The following DAB1 variants were observed in gnomAD, a reference collection of about 807,000 sequenced individuals.
DAB1 encodes disabled homolog 1.
A neutral mutation model predicts 64.6 loss-of-function variants in DAB1; 15 were observed. The ratio of observed to expected loss-of-function variants is 0.23; its 90% confidence interval spans 0.16 to 0.36. The LOEUF (loss-of-function observed/expected upper bound fraction) is 0.36, where lower values mean the gene tolerates loss of function less well. Among genes scored for constraint, DAB1 ranks in the 10% least tolerant of loss-of-function variants. The pLI, the probability that DAB1 is intolerant of heterozygous loss-of-function variation, is 1.00. For missense variants in DAB1, 596 were observed against 706.7 expected (o/e 0.84, Z 1.78); for synonymous variants, 235 against 251.9 (o/e 0.93, Z 0.64).
chr1:57,523,235 C>T (rs1356768513), intron 7 of DAB1, among the ~76,000 whole-genome samples: 1 of 152,048 alleles, frequency 6.6e-6, no homozygotes, highest in African/African-American at 2.4e-5. Context: ...TCTTCTCAAG[C>T]GACAGATTAA....
intron 1 of DAB1, among the ~76,000 whole-genome samples, chr1:57,360,520 T>C (rs1679466427): frequency 6.6e-6 from 1 of 152,146 alleles, no homozygotes; most frequent in African/African-American, 2.4e-5. Flanking sequence ...AAAAGGAGTT[T>C]GTGTGTATAA....
intron 2 of DAB1, among the ~76,000 whole-genome samples, chr1:58,508,135 C>T (rs1646018136): frequency 6.6e-6 from 1 of 152,130 alleles, no homozygotes; most frequent in South Asian, 2.1e-4. Flanking sequence ...ATTATCCCTA[C>T]AGACTAGAAA....
intron 6 of DAB1, among the ~76,000 whole-genome samples, chr1:57,687,767 A>G (rs1478046891): frequency 6.6e-6 from 1 of 152,120 alleles, no homozygotes; most frequent in Non-Finnish European, 1.5e-5. Context: ...AAAGCTACAC[A>G]TCTACAACCA....
chr1:58,322,134 AC>A (rs34173509), intron 4 of DAB1, among the ~76,000 whole-genome samples: 1 of 152,172 alleles, frequency 6.6e-6, no homozygotes, highest in Non-Finnish European at 1.5e-5. Flanking sequence ...AACCATAAAA[AC>A]CCTAGAAGAA....
chr1:58,043,510 A>G (rs985174413), intron 5 of DAB1, among the ~76,000 whole-genome samples: 1 of 152,166 alleles, frequency 6.6e-6, no homozygotes, highest in African/African-American at 2.4e-5. Context: ...AATCTGATCC[A>G]TCTGACAAAA....
At chr1:58,230,177 A>T (rs114089817) in intron 4 of DAB1, among the ~76,000 whole-genome samples, 3,144 of 152,260 alleles carry the variant, frequency 0.021, 101 homozygotes, top group African/African-American at 0.072. Context: ...GGCCTTTCCC[A>T]TCCTTGAAAA....
chr1:57,420,945 G>T (rs935304060), intron 1 of DAB1, among the ~76,000 whole-genome samples: 1 of 152,144 alleles, frequency 6.6e-6, no homozygotes, highest in Non-Finnish European at 1.5e-5. Flanking sequence ...TGCTTTGTTT[G>T]CTTTATTAGT....
chr1:57,717,280 A>T (rs1647095599), intron 6 of DAB1, among the ~76,000 whole-genome samples: 1 of 151,904 alleles, frequency 6.6e-6, no homozygotes, highest in South Asian at 2.1e-4. Context: ...AAAAAAAGAA[A>T]GAAAGAAGAC....
At chr1:58,130,827 G>A (rs1376738396) in intron 5 of DAB1, among the ~76,000 whole-genome samples, 8 of 152,236 alleles carry the variant, frequency 5.3e-5, no homozygotes, top group Middle Eastern at 3.4e-3. Flanking sequence ...CGAGAGATCC[G>A]CCGTTAGTCT....
intron 7 of DAB1, among the ~76,000 whole-genome samples, chr1:57,553,162 T>A (rs989184430): frequency 6.6e-6 from 1 of 151,754 alleles, no homozygotes; most frequent in Non-Finnish European, 1.5e-5. Flanking sequence ...GGGTGATTTA[T>A]CTGGGGTTGT....
In DAB1 at chr1:58,179,184, A is replaced by C. The variant is rs187272081; in HGVS notation, n.310-28596T>G. Among the ~76,000 whole-genome samples, 324 of 151,854 alleles carry C rather than the reference A, an allele frequency of 2.1e-3. 4 individuals are homozygous for C. Among genetic ancestry groups the C allele is most frequent in the African/African-American group, 7.4e-3 (307 of 41,510 alleles). On this transcript the variant is annotated intron_variant and non_coding_transcript_variant, in intron 4 of 20. Transcript: ENST00000485760. ...ATCTTGTATTCCTGAGATAAATTTCACTTGATTGTGAAGTAGAATCTCTTT... is the reference window on the plus strand; with the variant it reads ...ATCTTGTATTCCTGAGATAAATTTCCCTTGATTGTGAAGTAGAATCTCTTT...
intron 5 of DAB1, among the ~76,000 whole-genome samples, chr1:58,144,799 G>C (rs746215229): frequency 6.6e-6 from 1 of 152,230 alleles, no homozygotes; most frequent in Non-Finnish European, 1.5e-5. Context: ...GCCCAGGTCA[G>C]AGTTGTGCCA....
intron 5 of DAB1, among the ~76,000 whole-genome samples, chr1:57,973,371 A>G (rs989928079): frequency 6.6e-6 from 1 of 152,184 alleles, no homozygotes; most frequent in African/African-American, 2.4e-5. Flanking sequence ...TGATACTTCT[A>G]GCCTCCAGAA....
intron 2 of DAB1, among the ~76,000 whole-genome samples, chr1:57,188,359 T>C (rs1663801843): frequency 6.6e-6 from 1 of 152,118 alleles, no homozygotes; most frequent in Non-Finnish European, 1.5e-5. Flanking sequence ...GTGATAGTGG[T>C]TCAGTGTGAG....
At chr1:57,719,449 T>C (rs115267418) in intron 6 of DAB1, among the ~76,000 whole-genome samples, 1,897 of 152,328 alleles carry the variant, frequency 0.012, 41 homozygotes, top group African/African-American at 0.042. Context: ...TCCTCAGTGA[T>C]ATTGTTTGGC....
chr1:57,261,634 A>T (rs1670188073), intron 2 of DAB1, among the ~76,000 whole-genome samples: 1 of 152,186 alleles, frequency 6.6e-6, no homozygotes, highest in Non-Finnish European at 1.5e-5. Flanking sequence ...TGCCAAAAGC[A>T]TCACTCAGCT....
intron 7 of DAB1, among the ~76,000 whole-genome samples, chr1:57,502,277 C>A (rs1184362671): frequency 6.8e-6 from 1 of 146,968 alleles, no homozygotes; most frequent in African/African-American, 2.5e-5. Context: ...CCGAGATTGG[C>A]CACTGCACTC....
At chr1:58,451,702 G>C (rs1284928449) in intron 3 of DAB1, among the ~76,000 whole-genome samples, 1 of 152,136 alleles carries the variant, frequency 6.6e-6, no homozygotes, top group African/African-American at 2.4e-5. Context: ...AAGAAAGCTA[G>C]ACGGGCTTTA....
At chr1:58,051,310 G>A (rs1418770609) in intron 5 of DAB1, among the ~76,000 whole-genome samples, 1 of 151,112 alleles carries the variant, frequency 6.6e-6, no homozygotes, top group Non-Finnish European at 1.5e-5. Context: ...TTGGTTTTCT[G>A]TCCTTGTGAT....
Sources: gnomAD v4.1 joint callset for allele counts (sites outside exome capture counted in the v4.1 genomes callset) on GRCh38, gnomAD v4.1.1 for gene constraint, MANE v1.5 for transcripts, NCBI Gene and HGNC (gene_info 2026-07-23, HGNC 2026-07-21) for gene names.